The following WDR36 variants were observed in gnomAD, a reference collection of about 807,000 sequenced individuals.
WDR36 encodes the protein WD repeat-containing protein 36.
Under a neutral mutation model 112.7 loss-of-function variants are expected in WDR36, and 63 were observed. That is an observed-to-expected ratio of 0.56 (90% CI 0.46 to 0.69). The LOEUF is 0.69. Ranked by LOEUF, WDR36 falls within the 30% of genes least tolerant of loss-of-function variation. WDR36 has a pLI of 0.00. For missense variants in WDR36, 1,226 were observed against 1,070.3 expected, an observed-to-expected ratio of 1.15 and a Z score of -2.03; for synonymous variants, 410 against 362.2, an observed-to-expected ratio of 1.13 and a Z score of -1.50.
At chr5:111,098,338 G>C (rs1753037597) in intron 3 of WDR36, among the ~76,000 whole-genome samples, 1 of 152,168 alleles carries the variant, frequency 6.6e-6, no homozygotes, top group Non-Finnish European at 1.5e-5. Context: ...AAGCCAGTTG[G>C]TGATGGAGTC....
chr5:111,126,197 A>G (rs1753675839), intron 22 of WDR36, among the ~76,000 whole-genome samples: 1 of 151,892 alleles, frequency 6.6e-6, no homozygotes, highest in African/African-American at 2.4e-5. Context: ...TACATTTTGG[A>G]AGTTTTTTGT....
At chr5:111,110,406 T>G in intron 13 of WDR36, 103 bp downstream of exon 13, 1 of 956,328 alleles carries the variant, frequency 1.0e-6, no homozygotes, top group Non-Finnish European at 1.7e-6. Context: ...TTTGCTAAAG[T>G]TGAAGATGGG....
In WDR36 at chr5:111,119,008, T is replaced by C; in HGVS notation, c.1797-5T>C. On this transcript the variant is annotated splice_region_variant and splice_polypyrimidine_tract_variant and intron_variant, in intron 16 of 22. Coordinates refer to ENST00000513710, the MANE Select transcript of WDR36 (RefSeq NM_139281.3). ...ATACTTTTAACATGTTAATTATTTC[T>C]GTAGCCTTATAGACTGCTTTTTGTT... The C allele has an allele frequency of 6.2e-7, 1 of 1,607,292 alleles. No individual in the cohort carries two copies. The highest frequency in any genetic ancestry group is 8.5e-7 in the Non-Finnish European group (1 of 1,173,992).
In WDR36 at chr5:111,092,391, C is replaced by T. The variant is rs371635595; in HGVS notation, c.-66C>T. 6.2e-7 allele frequency: 1 copy of T among 1,614,240 alleles called. No individual in the cohort carries two copies. Among genetic ancestry groups the T allele is most frequent in the South Asian group, 1.1e-5 (1 of 91,088 alleles). ...GCAGAGGACTGTTCCACTAGACACGCTGAAGGGACTGGGTACGTGTTTTCC... is the reference window on the plus strand; with the variant it reads ...GCAGAGGACTGTTCCACTAGACACGTTGAAGGGACTGGGTACGTGTTTTCC... On this transcript the variant is annotated 5_prime_UTR_variant, in exon 1 of 23. Coordinates refer to ENST00000513710, the MANE Select transcript of WDR36 (RefSeq NM_139281.3).
Position 111,127,292 on chromosome 5 carries a change from A to G in WDR36, c.*409A>G, listed in dbSNP as rs1753694239. Reference sequence around the variant, plus strand: ...TTAACTTTTATATGATTTTTAAAAAATTATTACCTGCTTATATTTTTTGAG... The same window carrying G: ...TTAACTTTTATATGATTTTTAAAAAGTTATTACCTGCTTATATTTTTTGAG... On this transcript the variant is annotated 3_prime_UTR_variant, in exon 23 of 23. Coordinates refer to ENST00000513710, the MANE Select transcript of WDR36 (RefSeq NM_139281.3). 4.7e-6 allele frequency: 1 copy of G among 211,448 alleles called. No individual in the cohort carries two copies. Among genetic ancestry groups the G allele is most frequent in the South Asian group, 1.8e-4 (1 of 5,468 alleles). The allele number at this position is 211,448 out of a possible 1,614,324, so 13.1% of individuals were successfully genotyped here.
At chr5:111,114,318 T>C (rs1042628730) in intron 16 of WDR36, among the ~76,000 whole-genome samples, 1 of 152,102 alleles carries the variant, frequency 6.6e-6, no homozygotes, top group Non-Finnish European at 1.5e-5. Context: ...GTGAGAAAAA[T>C]GAGAAGGAAG....
At chr5:111,100,822 T>G in intron 5 of WDR36, 101 bp downstream of exon 5, 1 of 1,233,508 alleles carries the variant, frequency 8.1e-7, no homozygotes, top group Non-Finnish European at 1.1e-6. Context: ...CTTGTATATT[T>G]ATTTGGAGGG....
In WDR36 at chr5:111,106,282, G is replaced by A. The variant is rs1404614725; in HGVS notation, c.1180+139G>A. The A allele has an allele frequency of 7.7e-6, 6 of 774,362 alleles. No individual in the cohort carries two copies. In the East Asian group the frequency reaches 1.4e-4, roughly 17 times the overall value. 48.0% of individuals were successfully genotyped at this position (774,362 alleles called of 1,614,324 possible). On this transcript the variant is annotated intron_variant, in intron 11 of 22. Transcript: ENST00000513710. Reference sequence around the variant, plus strand: ...AGAAGGTAACCCCAGGTGCATGCTGGTCTTGTGTGAAGACTAAAAATGAGT... The same window carrying A: ...AGAAGGTAACCCCAGGTGCATGCTGATCTTGTGTGAAGACTAAAAATGAGT...
In WDR36 at chr5:111,121,253, G is replaced by A. The variant is rs1300000852; in HGVS notation, c.2148+112G>A. The A allele has an allele frequency of 9.0e-6, 10 of 1,113,922 alleles. No individual in the cohort carries two copies. The East Asian group carries it at 1.7e-4, about 19-fold the overall frequency. 69.0% of individuals were successfully genotyped at this position (1,113,922 alleles called of 1,614,324 possible). A position where few individuals can be genotyped will look rare whatever the true frequency, so the allele number is the denominator to read the frequency against. ...AGGGCATTAGAAGAGCAATTAATAT[G>A]TAAGACAGCACTGACAATGCTATTT... On this transcript the variant is annotated intron_variant, in intron 19 of 22. Coordinates refer to ENST00000513710, the MANE Select transcript of WDR36 (RefSeq NM_139281.3).
intron 16 of WDR36, among the ~76,000 whole-genome samples, chr5:111,118,585 A>G (rs926090240): frequency 2.0e-5 from 3 of 152,100 alleles, no homozygotes; most frequent in African/African-American, 7.2e-5. Flanking sequence ...CCATTTTGTT[A>G]TATTACTTTC....
In WDR36 at chr5:111,127,908, A is replaced by G. The variant is rs1021067113; in HGVS notation, c.*1025A>G. 30 of 179,592 alleles carry G rather than the reference A, an allele frequency of 1.7e-4. No homozygotes were observed. Among genetic ancestry groups the G allele is most frequent in the Non-Finnish European group, 2.7e-4 (24 of 89,186 alleles). The allele number at this position is 179,592 out of a possible 1,614,324, so 11.1% of individuals were successfully genotyped here. A position where few individuals can be genotyped will look rare whatever the true frequency, so the allele number is the denominator to read the frequency against. ...GTATTTCAAAGCCAGGGTTTTTTTTATTTTGTTTTGTTTTGTTTTTTTTTT... is the reference window on the plus strand; with the variant it reads ...GTATTTCAAAGCCAGGGTTTTTTTTGTTTTGTTTTGTTTTGTTTTTTTTTT... On this transcript the variant is annotated 3_prime_UTR_variant, in exon 23 of 23. Coordinates refer to ENST00000513710, the MANE Select transcript of WDR36 (RefSeq NM_139281.3).
chr5:111,122,767 T>C (rs1324359310), intron 19 of WDR36, among the ~76,000 whole-genome samples: 1 of 152,108 alleles, frequency 6.6e-6, no homozygotes, highest in Non-Finnish European at 1.5e-5. Context: ...TAATGTGAGG[T>C]GAAATTGTGA....
chr5:111,116,036 A>T (rs1168533636), intron 16 of WDR36, among the ~76,000 whole-genome samples: 1 of 151,922 alleles, frequency 6.6e-6, no homozygotes, highest in African/African-American at 2.4e-5. Flanking sequence ...ACCGTCTCCC[A>T]GGTTCAAGCA....
At chr5:111,111,431 A>G in intron 15 of WDR36, 153 bp downstream of exon 15, 1 of 675,112 alleles carries the variant, frequency 1.5e-6, no homozygotes, top group Non-Finnish European at 2.6e-6. Flanking sequence ...TTTTGAATTA[A>G]AAGTTTAATA....
intron 16 of WDR36, among the ~76,000 whole-genome samples, chr5:111,116,487 G>T (rs539049792): frequency 6.6e-6 from 1 of 152,264 alleles, no homozygotes; most frequent in South Asian, 2.1e-4. Context: ...GTCTCCATTT[G>T]CTCAGAATAA....
intron 16 of WDR36, among the ~76,000 whole-genome samples, chr5:111,117,044 G>T (rs1753470340): frequency 6.6e-6 from 1 of 152,164 alleles, no homozygotes; most frequent in Admixed American, 6.5e-5. Flanking sequence ...TGGATTAAAT[G>T]ACTTAACATA....
intron 22 of WDR36, 97 bp downstream of exon 22, chr5:111,125,892 A>G: frequency 3.1e-6 from 4 of 1,299,176 alleles, no homozygotes; most frequent in Non-Finnish European, 4.4e-6. Context: ...CTGTATATCC[A>G]TCCTTTCCAG....
chr5:111,126,236 G>T (rs1224367680), intron 22 of WDR36, among the ~76,000 whole-genome samples: 8 of 149,474 alleles, frequency 5.4e-5, no homozygotes, highest in African/African-American at 1.2e-4. Context: ...GGGTTTGTTT[G>T]TTTTTTTTTC....
Position 111,110,323 on chromosome 5 carries a change from G to C in WDR36, c.1441+20G>C. 6.4e-7 allele frequency: 1 copy of C among 1,573,958 alleles called. No individual in the cohort carries two copies. Among genetic ancestry groups the C allele is most frequent in the South Asian group, 1.1e-5 (1 of 90,258 alleles). The stretch of plus-strand genomic sequence containing the variant: ...ATCAAGGTAGAGAATTTTTTTCCTT[G>C]TTTTTTATTAATGTAGATAGATACA... On this transcript the variant is annotated intron_variant, in intron 13 of 22. Transcript: ENST00000513710.
Sources: gnomAD v4.1 joint callset for allele counts (sites outside exome capture counted in the v4.1 genomes callset) on GRCh38, gnomAD v4.1.1 for gene constraint, MANE v1.5 for transcripts, NCBI Gene and HGNC (gene_info 2026-07-23, HGNC 2026-07-21) for gene names.